The following MYOZ2 variants were observed in gnomAD, a reference collection of about 807,000 sequenced individuals.
The protein encoded by MYOZ2 is myozenin 2, also known as myozenin-2.
Under a neutral mutation model 25.4 loss-of-function variants are expected in MYOZ2, and 19 were observed. The observed-to-expected ratio is 0.75, with a 90% CI of 0.52 to 1.10. The LOEUF (loss-of-function observed/expected upper bound fraction) is 1.10, where lower values mean the gene tolerates loss of function less well. Among genes scored for constraint, MYOZ2 ranks in the 50% least tolerant of loss-of-function variants. MYOZ2 has a pLI of 0.00. For missense variants in MYOZ2, 270 were observed against 317.9 expected, an observed-to-expected ratio of 0.85 and a Z score of 1.15; for synonymous variants, 92 against 106.9, an observed-to-expected ratio of 0.86 and a Z score of 0.86.
chr4:119,146,609 T>C (rs1412191752), intron 2 of MYOZ2, among the ~76,000 whole-genome samples: 3 of 152,170 alleles, frequency 2.0e-5, no homozygotes, highest in African/African-American at 7.2e-5. Flanking sequence ...AATTTAACCA[T>C]TTTAATTTGT....
At chr4:119,156,974 A>G (rs1403034944) in intron 3 of MYOZ2, among the ~76,000 whole-genome samples, 1 of 152,164 alleles carries the variant, frequency 6.6e-6, no homozygotes, top group Non-Finnish European at 1.5e-5. Context: ...GCCTTTAGTT[A>G]TGGTAAGTAT....
rs552117609 is a variant in MYOZ2 at position 119,185,835 on chromosome 4, A to C, written c.561-131A>C. The C allele has an allele frequency of 1.1e-5, 8 of 756,782 alleles. No homozygotes were observed. In the South Asian group the frequency reaches 1.2e-4, roughly 11 times the overall value. The allele number at this position is 756,782 out of a possible 1,614,324, so 46.9% of individuals were successfully genotyped here. A position where few individuals can be genotyped will look rare whatever the true frequency, so the allele number is the denominator to read the frequency against. On this transcript the variant is annotated intron_variant, in intron 5 of 5. Transcript: ENST00000307128. ...TCACAAAATGACAGTCATTCATAGA[A>C]TATAAGTAAGCCCATAAAATAATGA...
intron 3 of MYOZ2, among the ~76,000 whole-genome samples, chr4:119,153,385 T>A (rs954467872): frequency 2.0e-5 from 3 of 152,164 alleles, no homozygotes; most frequent in Non-Finnish European, 4.4e-5. Context: ...ATGTTCTTGA[T>A]ACTATGCTGC....
chr4:119,161,640 T>C (rs1024101705), intron 4 of MYOZ2, among the ~76,000 whole-genome samples: 3 of 152,128 alleles, frequency 2.0e-5, no homozygotes, highest in African/African-American at 7.2e-5. Flanking sequence ...AAAAAAGTTG[T>C]TATTTAATGA....
intron 3 of MYOZ2, among the ~76,000 whole-genome samples, chr4:119,152,925 A>G (rs1013651004): frequency 3.3e-5 from 5 of 152,156 alleles, no homozygotes; most frequent in Admixed American, 2.0e-4. Context: ...CTCAGCTGTC[A>G]GAATCCTAGA....
chr4:119,155,211 C>T (rs1741546990), intron 3 of MYOZ2, among the ~76,000 whole-genome samples: 1 of 152,142 alleles, frequency 6.6e-6, no homozygotes, highest in South Asian at 2.1e-4. Context: ...CCTCCATGAC[C>T]AAACGCCTCC....
chr4:119,173,470 A>G (rs1410621125), intron 5 of MYOZ2, among the ~76,000 whole-genome samples: 1 of 152,228 alleles, frequency 6.6e-6, no homozygotes, highest in East Asian at 1.9e-4. Flanking sequence ...TAACATCTCT[A>G]TTAATGGACT....
At chr4:119,140,504 A>G (rs1741140045) in intron 2 of MYOZ2, among the ~76,000 whole-genome samples, 1 of 152,246 alleles carries the variant, frequency 6.6e-6, no homozygotes, top group South Asian at 2.1e-4. Context: ...AGAGCTAGAA[A>G]GGTTTGCATG....
intron 2 of MYOZ2, among the ~76,000 whole-genome samples, chr4:119,137,436 T>G (rs1220192581): frequency 6.6e-6 from 1 of 152,178 alleles, no homozygotes; most frequent in Non-Finnish European, 1.5e-5. Flanking sequence ...ATTAGTGGCA[T>G]TTTCAGAATG....
intron 5 of MYOZ2, among the ~76,000 whole-genome samples, chr4:119,166,901 T>C (rs1741836852): frequency 6.6e-6 from 1 of 152,216 alleles, no homozygotes; most frequent in African/African-American, 2.4e-5. Context: ...ACATGTTGTG[T>C]GTGTTCTGAG....
Position 119,158,089 on chromosome 4 carries a change from C to T in MYOZ2, c.314C>T (p.Pro105Leu). The T allele has an allele frequency of 6.2e-7, 1 of 1,614,000 alleles. No individual in the cohort carries two copies. Among genetic ancestry groups the T allele is most frequent in the Non-Finnish European group, 8.5e-7 (1 of 1,179,958 alleles). The change falls in exon 4 of 6, where the codon CCC becomes CTC. Residue 105 changes from proline (P) to leucine (L), a missense_variant. By Grantham distance (98) the Pro-to-Leu change is moderately conservative. Transcript: ENST00000307128. ...SNLEGGSQQA[P>L]LTPPNTPDPR... ...TTGGAAGGTGGTTCGCAGCAAGCCC[C>T]CTTGACTCCTCCCAACACCCCAGAT...
At chr4:119,141,805 T>C (rs1741163715) in intron 2 of MYOZ2, among the ~76,000 whole-genome samples, 1 of 152,236 alleles carries the variant, frequency 6.6e-6, no homozygotes, top group African/African-American at 2.4e-5. Context: ...GTTAAGAACC[T>C]GTGCAAGGGT....
At chr4:119,153,004 G>A (rs1218867936) in intron 3 of MYOZ2, among the ~76,000 whole-genome samples, 1 of 150,850 alleles carries the variant, frequency 6.6e-6, no homozygotes, top group African/African-American at 2.4e-5. Context: ...GGAGACCAAG[G>A]TTTGGTCCTG....
chr4:119,172,642 C>T (rs1741970797), intron 5 of MYOZ2, among the ~76,000 whole-genome samples: 1 of 152,192 alleles, frequency 6.6e-6, no homozygotes, highest in Non-Finnish European at 1.5e-5. Flanking sequence ...CTTCCAGTTG[C>T]AAGACACCTA....
At chr4:119,169,223 T>C (rs544196836) in intron 5 of MYOZ2, among the ~76,000 whole-genome samples, 1 of 152,364 alleles carries the variant, frequency 6.6e-6, no homozygotes, top group Non-Finnish European at 1.5e-5. Flanking sequence ...ATGCTATAGA[T>C]AGTTGATGGA....
At chr4:119,141,511 T>C (rs1445145885) in intron 2 of MYOZ2, among the ~76,000 whole-genome samples, 1 of 152,020 alleles carries the variant, frequency 6.6e-6, no homozygotes, top group Non-Finnish European at 1.5e-5. Flanking sequence ...GCCTCCCGAG[T>C]AGCTGGAATT....
chr4:119,137,635 CGTT>C lies in MYOZ2; in HGVS notation c.76+1041_76+1043del, dbSNP rs551042029. Among the ~76,000 whole-genome samples, 412 of 152,176 alleles carry C rather than the reference CGTT, an allele frequency of 2.7e-3. 2 individuals are homozygous for C. The highest frequency in any genetic ancestry group is 0.017 in the Middle Eastern group (5 of 294). On this transcript the variant is annotated intron_variant, in intron 2 of 5. Transcript: ENST00000307128. Reference sequence around the variant, plus strand: ...GCAATGTAATCATAACTAAGAGGTCCGTTGTTGTTTTCTATTTTCTGCAATACA... The same window carrying C: ...GCAATGTAATCATAACTAAGAGGTCCGTTGTTTTCTATTTTCTGCAATACA...
chr4:119,160,040 C>T (rs1741670365), intron 4 of MYOZ2, among the ~76,000 whole-genome samples: 1 of 152,126 alleles, frequency 6.6e-6, no homozygotes. Flanking sequence ...TGGGTTCAAC[C>T]CTATGGCTCT....
intron 2 of MYOZ2, among the ~76,000 whole-genome samples, chr4:119,150,464 A>T (rs1485412575): frequency 6.7e-6 from 1 of 150,136 alleles, no homozygotes; most frequent in East Asian, 1.9e-4. Flanking sequence ...GAGGGTAGGC[A>T]TTTCAGTAGG....
Sources: allele counts gnomAD v4.1 joint callset (sites outside exome capture counted in the v4.1 genomes callset), GRCh38; gene constraint gnomAD v4.1.1; transcripts MANE v1.5; gene names NCBI Gene and HGNC (gene_info 2026-07-23, HGNC 2026-07-21).